JARID2: variants seen among roughly 807,000 people sequenced by gnomAD.
The protein encoded by JARID2 is jumonji and AT-rich interaction domain containing 2, also known as protein Jumonji.
JARID2 carries 21 observed loss-of-function variants against 125.6 expected under a neutral mutation model. That is an observed-to-expected ratio of 0.17 (90% CI 0.12 to 0.24). The LOEUF is 0.24. Ranked by LOEUF, JARID2 falls within the 10% of genes least tolerant of loss-of-function variation. The pLI, the probability that JARID2 is intolerant of heterozygous loss-of-function variation, is 1.00. For synonymous variants in JARID2, 736 were observed against 661.6 expected (o/e 1.11, Z -1.73); for missense variants, 1,303 against 1,639.6 (o/e 0.79, Z 3.55).
At chr6:15,399,743 G>A (rs376348887) in intron 2 of JARID2, among the ~76,000 whole-genome samples, 1 of 152,148 alleles carries the variant, frequency 6.6e-6, no homozygotes. Context: ...TCGTTAGATG[G>A]TTCCACAACT....
chr6:15,270,256 C>T (rs560888772), intron 1 of JARID2, among the ~76,000 whole-genome samples: 9 of 152,284 alleles, frequency 5.9e-5, no homozygotes, highest in Non-Finnish European at 7.3e-5. Context: ...CCTCAGCCTC[C>T]GGAGTAGCTG....
chr6:15,392,907 A>T (rs1024348523), intron 2 of JARID2, among the ~76,000 whole-genome samples: 2 of 151,566 alleles, frequency 1.3e-5, no homozygotes, highest in African/African-American at 4.9e-5. Context: ...CTGGTCTCGA[A>T]CTCCTGACCT....
intron 2 of JARID2, among the ~76,000 whole-genome samples, chr6:15,380,068 C>A (rs538567629): frequency 2.3e-4 from 35 of 149,306 alleles, no homozygotes; most frequent in Non-Finnish European, 4.3e-4. Flanking sequence ...GTCTTGCTTG[C>A]TCTGTTGCCC....
At position 15,520,554 on chromosome 6, in the gene JARID2, ATTT is replaced by A; in HGVS notation, c.*314_*316del. On this transcript the variant is annotated 3_prime_UTR_variant, in exon 18 of 18. Transcript: ENST00000341776. ...ACAAAAGCCTTTTTTTTTGGTTTTG[ATTT>A]TTTTTTTTTTGTAACTGTTGGGGGG... 2 of 249,056 alleles carry A rather than the reference ATTT, an allele frequency of 8.0e-6. No individual in the cohort carries two copies. The highest frequency in any genetic ancestry group is 4.3e-5 in the South Asian group (1 of 23,330). The allele number at this position is 249,056 out of a possible 1,614,324, so 15.4% of individuals were successfully genotyped here. A position where few individuals can be genotyped will look rare whatever the true frequency, so the allele number is the denominator to read the frequency against.
intron 1 of JARID2, among the ~76,000 whole-genome samples, chr6:15,341,973 A>G (rs1013131566): frequency 4.6e-5 from 7 of 151,532 alleles, no homozygotes; most frequent in Non-Finnish European, 8.8e-5. Context: ...ATATATTTTT[A>G]TCTTAGAACA....
chr6:15,358,291 A>G (rs1427418829), intron 1 of JARID2, among the ~76,000 whole-genome samples: 2 of 152,172 alleles, frequency 1.3e-5, no homozygotes, highest in Non-Finnish European at 2.9e-5. Flanking sequence ...ATCTTCATAT[A>G]TTGACTTTAA....
Position 15,327,270 on chromosome 6 carries a change from G to A in JARID2, c.46-46847G>A, listed in dbSNP as rs549495705. On this transcript the variant is annotated intron_variant, in intron 1 of 17. Coordinates refer to ENST00000341776, the MANE Select transcript of JARID2 (RefSeq NM_004973.4). ...TTTTTGTTTTCTTTTTTAAGAGACG[G>A]TCTTGCCCTGTCACCCAGGTTGGAG... Among the ~76,000 whole-genome samples, 4 of 152,126 alleles carry A rather than the reference G, an allele frequency of 2.6e-5. No homozygotes were observed. In the East Asian group the frequency reaches 7.7e-4, roughly 29 times the overall value.
At chr6:15,504,636 C>A in intron 9 of JARID2, 44 bp downstream of exon 9, 2 of 1,318,728 alleles carry the variant, frequency 1.5e-6, no homozygotes, top group Non-Finnish European at 2.2e-6. Flanking sequence ...GGTGTGGGAA[C>A]CCCTCGGCGA....
chr6:15,517,442 C>A (rs1326338861), intron 17 of JARID2, among the ~76,000 whole-genome samples, 174 bp downstream of exon 17: 1 of 152,206 alleles, frequency 6.6e-6, no homozygotes, highest in Non-Finnish European at 1.5e-5. Flanking sequence ...ATGTTAGGAT[C>A]CCAGGGGGAG....
intron 1 of JARID2, among the ~76,000 whole-genome samples, chr6:15,283,223 C>T (rs1760840855): frequency 1.3e-5 from 2 of 150,804 alleles, no homozygotes; most frequent in African/African-American, 2.4e-5. Flanking sequence ...TGTGATCTGC[C>T]CACCTTGGCC....
At chr6:15,513,910 C>A (rs1405904655) in intron 16 of JARID2, among the ~76,000 whole-genome samples, 1 of 152,242 alleles carries the variant, frequency 6.6e-6, no homozygotes, top group Non-Finnish European at 1.5e-5. Flanking sequence ...GCCTCAGCCC[C>A]CGAGGACTTC....
At chr6:15,487,631 C>G (rs1210130304) in intron 6 of JARID2, 89 bp downstream of exon 6, 7 of 1,183,246 alleles carry the variant, frequency 5.9e-6, no homozygotes, top group Non-Finnish European at 8.2e-6. Flanking sequence ...TCAGAGGGCT[C>G]AAGAAGCAGG....
chr6:15,285,403 G>T (rs1218306989), intron 1 of JARID2, among the ~76,000 whole-genome samples: 4 of 152,104 alleles, frequency 2.6e-5, no homozygotes, highest in African/African-American at 9.7e-5. Context: ...GGGATTACAG[G>T]CGTGAGCCAC....
chr6:15,293,913 C>G (rs1761315660), intron 1 of JARID2, among the ~76,000 whole-genome samples: 1 of 152,230 alleles, frequency 6.6e-6, no homozygotes, highest in Non-Finnish European at 1.5e-5. Flanking sequence ...ACCTGCTGGT[C>G]ACAGGGCACC....
intron 1 of JARID2, among the ~76,000 whole-genome samples, chr6:15,280,629 C>CT (rs11427786): frequency 0.076 from 10,360 of 136,690 alleles, 1,339 homozygotes; most frequent in African/African-American, 0.26. Context: ...CCACACCCTG[C>CT]TTTTTTTTTT....
At chr6:15,367,730 A>G (rs1196379646) in intron 1 of JARID2, among the ~76,000 whole-genome samples, 1 of 152,192 alleles carries the variant, frequency 6.6e-6, no homozygotes, top group African/African-American at 2.4e-5. Flanking sequence ...ACCTTATACT[A>G]AAGGAAGGCT....
chr6:15,387,932 G>A (rs1764850206), intron 2 of JARID2, among the ~76,000 whole-genome samples: 1 of 152,060 alleles, frequency 6.6e-6, no homozygotes, highest in Non-Finnish European at 1.5e-5. Context: ...TCTACCTTTT[G>A]TGACTCCCAG....
At chr6:15,519,392 A>G (rs922704275) in intron 17 of JARID2, among the ~76,000 whole-genome samples, 1 of 152,230 alleles carries the variant, frequency 6.6e-6, no homozygotes, top group East Asian at 1.9e-4. Context: ...AGGGCTTTTC[A>G]GAGGACTAGA....
chr6:15,358,562 T>A (rs545252067), intron 1 of JARID2, among the ~76,000 whole-genome samples: 11 of 152,232 alleles, frequency 7.2e-5, no homozygotes, highest in Non-Finnish European at 1.5e-4. Context: ...TTCTGTTTCT[T>A]GAAGCCAGTA....
Sources: gnomAD v4.1 joint callset for allele counts (sites outside exome capture counted in the v4.1 genomes callset) on GRCh38, gnomAD v4.1.1 for gene constraint, MANE v1.5 for transcripts, NCBI Gene and HGNC (gene_info 2026-07-23, HGNC 2026-07-21) for gene names.